METTL25: variants seen among roughly 807,000 people sequenced by gnomAD.
METTL25 encodes the protein methyltransferase like 25, also known as probable methyltransferase-like protein 25.
In METTL25, 64 loss-of-function variants were observed where a neutral mutation model predicts 71.6. That is an observed-to-expected ratio of 0.89 (90% CI 0.73 to 1.10). METTL25 has a LOEUF of 1.10. Among genes scored for constraint, METTL25 ranks in the 50% least tolerant of loss-of-function variants. The pLI is 0.00. For missense variants in METTL25, 807 were observed against 707.0 expected (o/e 1.14, Z -1.60); for synonymous variants, 287 against 250.3 (o/e 1.15, Z -1.38).
chr12:82,402,149 GAGA>G (rs1886682151), intron 4 of METTL25, among the ~76,000 whole-genome samples: 1 of 151,898 alleles, frequency 6.6e-6, no homozygotes, highest in South Asian at 2.1e-4. Context: ...CATTTCATAG[GAGA>G]ATTTTAAATA....
At chr12:82,368,720 A>G (rs983481910) in intron 1 of METTL25, among the ~76,000 whole-genome samples, 2 of 152,206 alleles carry the variant, frequency 1.3e-5, no homozygotes, top group African/African-American at 4.8e-5. Flanking sequence ...AATGATTTAA[A>G]TATTTTATCC....
chr12:82,400,992 TA>T (rs1274123792), intron 4 of METTL25, among the ~76,000 whole-genome samples: 1 of 152,158 alleles, frequency 6.6e-6, no homozygotes, highest in African/African-American at 2.4e-5. Flanking sequence ...TAAGTAGCAA[TA>T]AATCTTGTCT....
At chr12:82,434,018 T>C (rs925940020) in intron 6 of METTL25, among the ~76,000 whole-genome samples, 2 of 151,232 alleles carry the variant, frequency 1.3e-5, no homozygotes, top group Admixed American at 6.6e-5. Context: ...GAAGTGTGAG[T>C]ATTTATTATA....
chr12:82,369,815 G>A (rs1199307012), intron 1 of METTL25, among the ~76,000 whole-genome samples: 1 of 152,052 alleles, frequency 6.6e-6, no homozygotes, highest in East Asian at 1.9e-4. Flanking sequence ...TCTTTAGCTA[G>A]ACACAGAATG....
intron 5 of METTL25, among the ~76,000 whole-genome samples, chr12:82,409,158 CATGA>C (rs1887349345): frequency 6.6e-6 from 1 of 152,096 alleles, no homozygotes; most frequent in South Asian, 2.1e-4. Context: ...GGTAGTCTGT[CATGA>C]ATGTCAGTTT....
intron 9 of METTL25, among the ~76,000 whole-genome samples, chr12:82,465,720 C>T (rs1192958545): frequency 6.6e-6 from 1 of 151,960 alleles, no homozygotes; most frequent in African/African-American, 2.4e-5. Context: ...ATCTATGAAG[C>T]CATCGATCCT....
At chr12:82,382,509 A>G (rs1374566114) in intron 1 of METTL25, among the ~76,000 whole-genome samples, 2 of 152,126 alleles carry the variant, frequency 1.3e-5, no homozygotes, top group African/African-American at 2.4e-5. Context: ...TTTTCCTTTT[A>G]TAGTTGATGA....
In METTL25 at chr12:82,366,193, T is replaced by C. The variant is rs113503099; in HGVS notation, c.259+7369T>C. ...AAATGAGTGTTACAGATTATTGTTA[T>C]AGGTATATTTCTCAGTGGAAACTAA... is the stretch of plus-strand genomic sequence containing the variant. On this transcript the variant is annotated intron_variant, in intron 1 of 11. Transcript: ENST00000248306. Among the ~76,000 whole-genome samples the C allele has an allele frequency of 2.7e-3, 412 of 152,344 alleles. 3 individuals carry two copies. Among genetic ancestry groups the C allele is most frequent in the African/African-American group, 9.3e-3 (387 of 41,578 alleles).
rs143514107 is a variant in METTL25 at position 82,428,101 on chromosome 12, A to T, written c.1280-2792A>T. On this transcript the variant is annotated intron_variant, in intron 5 of 11. Transcript: ENST00000248306. The stretch of plus-strand genomic sequence containing the variant: ...ATTCCAGACAGAAAAGAAATTAAGT[A>T]AGCAGGTAGGGGTAGAAAGTGTGGG... Among the ~76,000 whole-genome samples the T allele has an allele frequency of 2.9e-3, 447 of 152,024 alleles. 4 individuals carry two copies. The highest frequency in any genetic ancestry group is 0.01 in the African/African-American group (421 of 41,526).
At chr12:82,389,543 T>C (rs1482172683) in intron 2 of METTL25, among the ~76,000 whole-genome samples, 5 of 152,100 alleles carry the variant, frequency 3.3e-5, no homozygotes, top group Non-Finnish European at 4.4e-5. Context: ...TGTTGTCTTT[T>C]GATGAAAAAT....
chr12:82,415,584 A>T (rs1005815738), intron 5 of METTL25, among the ~76,000 whole-genome samples: 2 of 152,094 alleles, frequency 1.3e-5, no homozygotes, highest in South Asian at 2.1e-4. Flanking sequence ...TGTGAGACTA[A>T]ACGCCTGAGA....
chr12:82,439,676 T>C lies in METTL25; in HGVS notation c.1478+885T>C, dbSNP rs144293923. ...TAACTCCCAAATCTGTATCTCAGTC[T>C]CCATTCTCTTTTCCAAATCATCAAA... On this transcript the variant is annotated intron_variant, in intron 8 of 11. Transcript: ENST00000248306. Among the ~76,000 whole-genome samples, 146 of 151,930 alleles carry C rather than the reference T, an allele frequency of 9.6e-4. No homozygotes were observed. The East Asian group carries it at 0.027, about 29-fold the overall frequency.
chr12:82,452,963 T>A (rs973838508), intron 8 of METTL25, among the ~76,000 whole-genome samples: 2 of 152,124 alleles, frequency 1.3e-5, no homozygotes, highest in African/African-American at 4.8e-5. Flanking sequence ...CAGTCTTTAG[T>A]TCAAAACCTA....
chr12:82,476,843 G>T (rs1892908705), intron 10 of METTL25, 125 bp downstream of exon 10: 1 of 589,426 alleles, frequency 1.7e-6, no homozygotes, highest in East Asian at 3.0e-5. Context: ...AACTGTTTTG[G>T]ATCATTTCCT....
At chr12:82,413,627 A>C (rs1023678880) in intron 5 of METTL25, among the ~76,000 whole-genome samples, 48 of 152,054 alleles carry the variant, frequency 3.2e-4, no homozygotes, top group African/African-American at 1.1e-3. Flanking sequence ...TAGTGAAGCA[A>C]GAGAGGGGTT....
chr12:82,469,024 T>C (rs916973073), intron 9 of METTL25: 4 of 152,128 alleles, frequency 2.6e-5, no homozygotes, highest in Non-Finnish European at 4.4e-5. Context: ...ACCAACCCCA[T>C]TGTACTCTTA....
At chr12:82,443,476 AAAAG>A (rs1230543258) in intron 8 of METTL25, among the ~76,000 whole-genome samples, 1 of 151,780 alleles carries the variant, frequency 6.6e-6, no homozygotes, top group Non-Finnish European at 1.5e-5. Flanking sequence ...AAAAAAAAAA[AAAAG>A]AAAAAAAAGA....
intron 1 of METTL25, among the ~76,000 whole-genome samples, chr12:82,379,465 G>T (rs1884211334): frequency 6.6e-6 from 1 of 151,954 alleles, no homozygotes; most frequent in African/African-American, 2.4e-5. Context: ...ATTCTTAAAT[G>T]CTTCTCATTT....
At chr12:82,370,457 A>T (rs1385321680) in intron 1 of METTL25, among the ~76,000 whole-genome samples, 1 of 152,124 alleles carries the variant, frequency 6.6e-6, no homozygotes, top group Non-Finnish European at 1.5e-5. Context: ...TTTCCTGTAA[A>T]TGCTGGGTGG....
Sources: gnomAD v4.1 joint callset for allele counts (sites outside exome capture counted in the v4.1 genomes callset) on GRCh38, gnomAD v4.1.1 for gene constraint, MANE v1.5 for transcripts, NCBI Gene and HGNC (gene_info 2026-07-23, HGNC 2026-07-21) for gene names.